Variants in HSD17B4 observed in about 807,000 individuals in gnomAD.
HSD17B4 encodes the protein hydroxysteroid 17-beta dehydrogenase 4.
Under a neutral mutation model 101.0 loss-of-function variants are expected in HSD17B4, and 70 were observed. The observed-to-expected ratio is 0.69, with a 90% confidence interval of 0.57 to 0.85. HSD17B4 has a LOEUF of 0.85. Ranked by LOEUF, HSD17B4 falls within the 40% of genes least tolerant of loss-of-function variation. The probability of loss-of-function intolerance (pLI) is 0.00; values close to 1 mark genes in which losing one functional copy is unlikely to be tolerated. For synonymous variants in HSD17B4, 347 were observed against 297.1 expected, an observed-to-expected ratio of 1.17 and a Z score of -1.73; for missense variants, 984 against 892.4, an observed-to-expected ratio of 1.10 and a Z score of -1.31.
rs1580711803 is a variant in HSD17B4 at position 119,531,405 on chromosome 5, G to A, written c.1993+1G>A. On this transcript the variant is annotated splice_donor_variant, in intron 22 of 23. Transcript: ENST00000510025. LOFTEE classifies it high-confidence loss of function. The stretch of plus-strand genomic sequence containing the variant: ...GGCGGAAATATTGGGGCTAAGTGGA[G>A]TAAGTTATAGCCCTGATTTTATAAT... The A allele has an allele frequency of 6.2e-7, 1 of 1,611,306 alleles. No individual in the cohort carries two copies. Among genetic ancestry groups the A allele is most frequent in the Admixed American group, 1.7e-5 (1 of 59,922 alleles).
chr5:119,533,758 A>T (rs1580717366), intron 22 of HSD17B4, among the ~76,000 whole-genome samples: 2 of 152,116 alleles, frequency 1.3e-5, no homozygotes, highest in Non-Finnish European at 2.9e-5. Flanking sequence ...AGTAGTTGGA[A>T]CCAAGAACGT....
At chr5:119,481,532 A>G (rs947953308) in intron 8 of HSD17B4, among the ~76,000 whole-genome samples, 1 of 152,218 alleles carries the variant, frequency 6.6e-6, no homozygotes, top group Non-Finnish European at 1.5e-5. Context: ...AAAGCAAGTC[A>G]TATAAATTTT....
At chr5:119,524,203 T>C (rs946444330) in intron 17 of HSD17B4, among the ~76,000 whole-genome samples, 2 of 152,104 alleles carry the variant, frequency 1.3e-5, no homozygotes, top group African/African-American at 4.8e-5. Context: ...AAATAATCTA[T>C]AGAACCATTA....
chr5:119,487,680 T>C (rs1011702724), intron 8 of HSD17B4, among the ~76,000 whole-genome samples: 5 of 152,176 alleles, frequency 3.3e-5, no homozygotes, highest in Admixed American at 6.6e-5. Flanking sequence ...ATAGATACTC[T>C]GTTGCATTTT....
At chr5:119,521,288 C>T (rs1200018407) in intron 17 of HSD17B4, among the ~76,000 whole-genome samples, 2 of 152,196 alleles carry the variant, frequency 1.3e-5, no homozygotes, top group African/African-American at 4.8e-5. Flanking sequence ...GTTACTTGAT[C>T]TTTACCCTGA....
intron 2 of HSD17B4, among the ~76,000 whole-genome samples, chr5:119,457,183 G>A (rs1203249720): frequency 6.6e-6 from 1 of 152,150 alleles, no homozygotes; most frequent in East Asian, 1.9e-4. Context: ...AGCCTTTCTG[G>A]GGAATAACTA....
chr5:119,536,744 T>G (rs1384109508), intron 23 of HSD17B4, among the ~76,000 whole-genome samples, 194 bp downstream of exon 23: 1 of 152,140 alleles, frequency 6.6e-6, no homozygotes, highest in Non-Finnish European at 1.5e-5. Context: ...CTGACACTTT[T>G]TAAGACTGAA....
At chr5:119,471,227 G>A (rs1459660144) in intron 2 of HSD17B4, among the ~76,000 whole-genome samples, 1 of 152,042 alleles carries the variant, frequency 6.6e-6, no homozygotes, top group Non-Finnish European at 1.5e-5. Context: ...CAATTAATAA[G>A]AATTCAGTCT....
At chr5:119,455,577 T>C (rs1754547883) in intron 1 of HSD17B4, among the ~76,000 whole-genome samples, 1 of 150,732 alleles carries the variant, frequency 6.6e-6, no homozygotes, top group Non-Finnish European at 1.5e-5. Context: ...TCTATATATA[T>C]ATATATAATT....
intron 23 of HSD17B4, among the ~76,000 whole-genome samples, chr5:119,541,645 C>T (rs1755000969): frequency 6.6e-6 from 1 of 152,040 alleles, no homozygotes; most frequent in South Asian, 2.1e-4. Flanking sequence ...TAGGTTGAAA[C>T]AGAACTCCCA....
chr5:119,504,185 TG>T (rs1405742836), intron 14 of HSD17B4, among the ~76,000 whole-genome samples: 4 of 152,168 alleles, frequency 2.6e-5, no homozygotes, highest in Non-Finnish European at 4.4e-5. Context: ...TCACCATTGA[TG>T]GGCACCTAGA....
chr5:119,476,030 A>G (rs567485192), intron 6 of HSD17B4, among the ~76,000 whole-genome samples, 160 bp downstream of exon 6: 1 of 152,326 alleles, frequency 6.6e-6, no homozygotes, highest in East Asian at 1.9e-4. Flanking sequence ...GAATAGTTAG[A>G]AGTAGCCTCT....
chr5:119,476,444 C>A, intron 6 of HSD17B4: 1 of 408,286 alleles, frequency 2.4e-6, no homozygotes, highest in Non-Finnish European at 3.3e-6. Context: ...TTTCATTGGC[C>A]ATCAGAACTA....
Position 119,531,934 on chromosome 5 carries a change from C to G in HSD17B4, c.1993+530C>G, listed in dbSNP as rs1254497466. On this transcript the variant is annotated intron_variant, in intron 22 of 23. Coordinates refer to ENST00000510025, the MANE Select transcript of HSD17B4 (RefSeq NM_000414.4). ...CTAGGGAAATTATCTATTAGAGTGC[C>G]ATGCACCCAATATAAAACATCTTGC... is the stretch of plus-strand genomic sequence containing the variant. Among the ~76,000 whole-genome samples, 3 of 152,018 alleles carry G rather than the reference C, an allele frequency of 2.0e-5. 1 individual carries two copies. The highest frequency in any genetic ancestry group is 4.4e-5 in the Non-Finnish European group (3 of 67,998).
rs1380019592 is a variant in HSD17B4 at position 119,527,150 on chromosome 5, A to G, written c.1698A>G (p.Pro566=). The change falls in exon 20 of 24, where the codon CCA becomes CCG. Residue 566 remains proline, a synonymous_variant. Transcript: ENST00000510025. ...FKAIKARFAK[P]VYPGQTLQTE... is the part of the protein sequence containing the mutation. ...TTTTAAAGGCTCGTTTTGCAAAACC[A>G]GTATATCCAGGACAAACTCTACAAA... The G allele has an allele frequency of 4.4e-6, 7 of 1,601,940 alleles. No individual in the cohort carries two copies. Among genetic ancestry groups the G allele is most frequent in the East Asian group, 2.2e-5 (1 of 44,686 alleles).
intron 8 of HSD17B4, among the ~76,000 whole-genome samples, chr5:119,480,736 G>A (rs1193229740): frequency 1.3e-5 from 2 of 152,166 alleles, no homozygotes; most frequent in African/African-American, 2.4e-5. Flanking sequence ...GCCTGGGAGC[G>A]CTATGGGAGA....
chr5:119,536,660 A>T, intron 23 of HSD17B4, 110 bp downstream of exon 23: 1 of 991,806 alleles, frequency 1.0e-6, no homozygotes, highest in Non-Finnish European at 1.6e-6. Context: ...GTTTCTTACA[A>T]CTCTGAAGAT....
chr5:119,517,145 G>A (rs1484174768), intron 17 of HSD17B4, among the ~76,000 whole-genome samples: 3 of 152,146 alleles, frequency 2.0e-5, no homozygotes, highest in South Asian at 2.1e-4. Flanking sequence ...CGCGGCGCTC[G>A]CAGGCCAGCT....
At chr5:119,501,362 A>G (rs1447440236) in intron 13 of HSD17B4, among the ~76,000 whole-genome samples, 1 of 151,110 alleles carries the variant, frequency 6.6e-6, no homozygotes, top group Non-Finnish European at 1.5e-5. Flanking sequence ...AAGACTGGTA[A>G]ACTGGCCCTC....
Sources: gnomAD v4.1 joint callset for allele counts (sites outside exome capture counted in the v4.1 genomes callset) on GRCh38, gnomAD v4.1.1 for gene constraint, MANE v1.5 for transcripts, NCBI Gene and HGNC (gene_info 2026-07-23, HGNC 2026-07-21) for gene names.